The following LRRTM4 variants were observed in gnomAD, a reference collection of about 807,000 sequenced individuals.
LRRTM4 encodes the protein leucine rich repeat transmembrane neuronal 4, also known as leucine-rich repeat transmembrane neuronal protein 4.
In LRRTM4, 25 loss-of-function variants were observed where a neutral mutation model predicts 47.6. The observed-to-expected ratio is 0.53, with a 90% CI of 0.38 to 0.73. The LOEUF is 0.73. Ranked by LOEUF, LRRTM4 falls within the 30% of genes least tolerant of loss-of-function variation. LRRTM4 has a pLI of 0.00. For missense variants in LRRTM4, 638 were observed against 713.4 expected, an observed-to-expected ratio of 0.89 and a Z score of 1.20; for synonymous variants, 311 against 269.5, an observed-to-expected ratio of 1.15 and a Z score of -1.51.
At chr2:77,314,932 C>T (rs78229524) in intron 3 of LRRTM4, among the ~76,000 whole-genome samples, 4,638 of 152,172 alleles carry the variant, frequency 0.03, 237 homozygotes, top group African/African-American at 0.1. Flanking sequence ...ATCTCTGCAG[C>T]GTACTATGCT....
At chr2:77,110,490 T>A (rs565252402) in intron 3 of LRRTM4, among the ~76,000 whole-genome samples, 3 of 152,160 alleles carry the variant, frequency 2.0e-5, no homozygotes, top group Non-Finnish European at 4.4e-5. Flanking sequence ...AATTTGGGTA[T>A]TATACATTAA....
At chr2:77,513,235 TTTTTAGTAACTGAAGA>T (rs1198751597) in intron 3 of LRRTM4, among the ~76,000 whole-genome samples, 2 of 152,136 alleles carry the variant, frequency 1.3e-5, no homozygotes, top group African/African-American at 4.8e-5. Flanking sequence ...GGCACCCCAG[TTTTTAGTAACTGAAGA>T]AGTTCTTTCT....
At chr2:77,502,758 A>T (rs1420080924) in intron 3 of LRRTM4, among the ~76,000 whole-genome samples, 1 of 151,616 alleles carries the variant, frequency 6.6e-6, no homozygotes, top group African/African-American at 2.4e-5. Flanking sequence ...GGTACATCTC[A>T]TGTAGAGTAT....
chr2:76,970,427 A>C (rs1384006939), intron 3 of LRRTM4, among the ~76,000 whole-genome samples: 3 of 152,032 alleles, frequency 2.0e-5, no homozygotes, highest in Non-Finnish European at 4.4e-5. Context: ...TTTCTTTCCT[A>C]TTAAAGTGAT....
At chr2:76,846,883 A>G (rs959455496) in intron 3 of LRRTM4, among the ~76,000 whole-genome samples, 2 of 149,890 alleles carry the variant, frequency 1.3e-5, no homozygotes, top group Non-Finnish European at 2.9e-5. Context: ...ATTTTAAATG[A>G]TGTTAGAAAG....
intron 3 of LRRTM4, among the ~76,000 whole-genome samples, chr2:77,170,295 C>T (rs752273042): frequency 5.3e-5 from 8 of 152,052 alleles, no homozygotes; most frequent in Admixed American, 3.3e-4. Context: ...TGGAAGAAAG[C>T]GGATATGAGC....
chr2:77,080,855 T>C (rs1215045050), intron 3 of LRRTM4, among the ~76,000 whole-genome samples: 2 of 152,116 alleles, frequency 1.3e-5, no homozygotes, highest in East Asian at 3.9e-4. Context: ...TCTCCTTTAC[T>C]ATTACTTTGC....
intron 3 of LRRTM4, among the ~76,000 whole-genome samples, chr2:77,373,088 A>AAAAT (rs1553435844): frequency 1.6e-3 from 225 of 140,348 alleles, no homozygotes; most frequent in East Asian, 2.9e-3. Context: ...TTAAAAAAAA[A>AAAAT]ATATATATAT....
intron 3 of LRRTM4, among the ~76,000 whole-genome samples, chr2:76,936,598 A>AAG (rs1196812291): frequency 2.6e-5 from 4 of 151,022 alleles, no homozygotes; most frequent in East Asian, 3.9e-4. Flanking sequence ...AAAAAAAAAA[A>AAG]AAAGAAAGAA....
At chr2:77,155,882 G>A (rs1191868170) in intron 3 of LRRTM4, among the ~76,000 whole-genome samples, 1 of 152,036 alleles carries the variant, frequency 6.6e-6, no homozygotes, top group Non-Finnish European at 1.5e-5. Context: ...AGCTAACAGG[G>A]AACCTTTTAA....
intron 3 of LRRTM4, among the ~76,000 whole-genome samples, chr2:77,514,071 T>C (rs943338960): frequency 1.3e-5 from 2 of 151,596 alleles, no homozygotes; most frequent in African/African-American, 2.4e-5. Flanking sequence ...CACACACACA[T>C]ATATATATAC....
Position 77,310,991 on chromosome 2 carries a change from CAT to C in LRRTM4, c.1551+207325_1551+207326del, listed in dbSNP as rs957605920. Among the ~76,000 whole-genome samples, 25 of 151,356 alleles carry C rather than the reference CAT, an allele frequency of 1.7e-4. 1 individual carries two copies. Among genetic ancestry groups the C allele is most frequent in the Admixed American group, 8.6e-4 (13 of 15,186 alleles). ...TGTGTGTCTGAGATATATTTACACA[CAT>C]ATATATATAGAGAGAGAATATTATG... On this transcript the variant is annotated intron_variant, in intron 3 of 3. Coordinates refer to ENST00000409884, the MANE Select transcript of LRRTM4 (RefSeq NM_001134745.3).
At chr2:76,887,226 A>G (rs2104134961) in intron 3 of LRRTM4, among the ~76,000 whole-genome samples, 1 of 151,924 alleles carries the variant, frequency 6.6e-6, no homozygotes, top group Non-Finnish European at 1.5e-5. Flanking sequence ...AAACAGCAAA[A>G]GTTATATAGT....
At chr2:77,437,564 T>G in intron 3 of LRRTM4, among the ~76,000 whole-genome samples, 1 of 152,022 alleles carries the variant, frequency 6.6e-6, no homozygotes, top group East Asian at 1.9e-4. Flanking sequence ...ATACTTCGAG[T>G]AAGAACATTT....
chr2:76,785,172 A>C (rs184632721), intron 3 of LRRTM4, among the ~76,000 whole-genome samples: 1 of 152,238 alleles, frequency 6.6e-6, no homozygotes, highest in East Asian at 1.9e-4. Flanking sequence ...TTGTGTTTGT[A>C]TTGGCATTTG....
chr2:76,778,243 C>T (rs371693707), intron 3 of LRRTM4, among the ~76,000 whole-genome samples: 73 of 139,270 alleles, frequency 5.2e-4, no homozygotes, highest in African/African-American at 1.2e-3. Context: ...TGTCTCTGCC[C>T]GGCTTTGGTA....
At chr2:77,351,297 C>T (rs1187711540) in intron 3 of LRRTM4, among the ~76,000 whole-genome samples, 2 of 150,674 alleles carry the variant, frequency 1.3e-5, no homozygotes, top group African/African-American at 2.4e-5. Context: ...ACATAAAATT[C>T]AGAAAGAGAT....
chr2:77,394,316 T>C (rs567530814), intron 3 of LRRTM4, among the ~76,000 whole-genome samples: 1 of 152,162 alleles, frequency 6.6e-6, no homozygotes, highest in African/African-American at 2.4e-5. Flanking sequence ...ACAATCAATT[T>C]TCCCATGTCA....
At chr2:76,940,363 ATACTT>A (rs1230324009) in intron 3 of LRRTM4, among the ~76,000 whole-genome samples, 1 of 152,180 alleles carries the variant, frequency 6.6e-6, no homozygotes, top group South Asian at 2.1e-4. Flanking sequence ...AGAGGCCACT[ATACTT>A]AGCAAACTGA....
Sources: gnomAD v4.1 joint callset for allele counts (sites outside exome capture counted in the v4.1 genomes callset) on GRCh38, gnomAD v4.1.1 for gene constraint, MANE v1.5 for transcripts, NCBI Gene and HGNC (gene_info 2026-07-23, HGNC 2026-07-21) for gene names.